Variants in CEP112 observed in about 807,000 individuals in gnomAD.
CEP112 encodes the protein centrosomal protein 112, also known as centrosomal protein of 112 kDa.
Under a neutral mutation model 153.0 loss-of-function variants are expected in CEP112, and 127 were observed. The ratio of observed to expected loss-of-function variants is 0.83; its 90% CI spans 0.72 to 0.96. The LOEUF (loss-of-function observed/expected upper bound fraction) is 0.96, where lower values mean the gene tolerates loss of function less well. Ranked by LOEUF, CEP112 falls within the 40% of genes least tolerant of loss-of-function variation. CEP112 has a pLI of 0.00. For synonymous variants in CEP112, 358 were observed against 374.4 expected, an observed-to-expected ratio of 0.96 and a Z score of 0.51; for missense variants, 1,089 against 1,101.2, an observed-to-expected ratio of 0.99 and a Z score of 0.16.
chr17:65,703,510 C>CA (rs1295077304), intron 23 of CEP112, among the ~76,000 whole-genome samples: 5 of 67,852 alleles, frequency 7.4e-5, no homozygotes, highest in African/African-American at 1.6e-4. Flanking sequence ...GACTCCATCT[C>CA]AAAAAAAAGA....
chr17:66,019,365 T>G (rs371765091), intron 16 of CEP112, among the ~76,000 whole-genome samples: 1 of 152,140 alleles, frequency 6.6e-6, no homozygotes, highest in Non-Finnish European at 1.5e-5. Flanking sequence ...TACAATTACA[T>G]AGTCCAGAGC....
chr17:65,653,833 G>A (rs2045913995), intron 24 of CEP112, among the ~76,000 whole-genome samples: 2 of 152,010 alleles, frequency 1.3e-5, no homozygotes. Context: ...GCCAGAGGCG[G>A]GCAGACCACA....
intron 24 of CEP112, among the ~76,000 whole-genome samples, chr17:65,674,836 GAAGC>G (rs1263886429): frequency 1.3e-5 from 2 of 152,136 alleles, no homozygotes; most frequent in East Asian, 3.8e-4. Context: ...AGACTCACAA[GAAGC>G]AAGACAACAT....
chr17:65,786,021 C>T lies in CEP112; in HGVS notation c.2395-35297G>A, dbSNP rs2054257576. Among the ~76,000 whole-genome samples, 3 of 152,242 alleles carry T rather than the reference C, an allele frequency of 2.0e-5. No individual in the cohort carries two copies. The East Asian group carries it at 5.8e-4, about 29-fold the overall frequency. The stretch of plus-strand genomic sequence containing the variant: ...TGTATATCAATTTGGGTAATACTGG[C>T]ATCTTAACAACGTTAAGTTTTCTGA... On this transcript the variant is annotated intron_variant, in intron 21 of 26. Transcript: ENST00000535342.
At chr17:65,762,669 A>T (rs2052680369) in intron 21 of CEP112, among the ~76,000 whole-genome samples, 1 of 151,912 alleles carries the variant, frequency 6.6e-6, no homozygotes, top group Admixed American at 6.6e-5. Flanking sequence ...AAATAACACT[A>T]TATCATCTCA....
chr17:66,084,850 GA>G, intron 8 of CEP112, among the ~76,000 whole-genome samples: 1 of 152,234 alleles, frequency 6.6e-6, no homozygotes, highest in South Asian at 2.1e-4. Flanking sequence ...AAATGCTTAA[GA>G]TGATGGATAC....
intron 11 of CEP112, among the ~76,000 whole-genome samples, chr17:66,059,794 G>A (rs758323841): frequency 6.6e-6 from 1 of 152,114 alleles, no homozygotes; most frequent in Non-Finnish European, 1.5e-5. Flanking sequence ...TCCCATTACT[G>A]GGTATATACC....
At chr17:65,898,907 G>A (rs910147384) in intron 20 of CEP112, among the ~76,000 whole-genome samples, 7 of 152,004 alleles carry the variant, frequency 4.6e-5, no homozygotes, top group Non-Finnish European at 5.9e-5. Context: ...GGCAACAAAC[G>A]TAAAACATCA....
At chr17:66,129,882 G>A (rs1385366768) in intron 5 of CEP112, 59 bp from the exon 6 acceptor site, 1 of 1,054,526 alleles carries the variant, frequency 9.5e-7, no homozygotes, top group African/African-American at 1.6e-5. Context: ...GAAATAAAAG[G>A]AAAAGATGGA....
chr17:65,835,734 A>C (rs2057282710), intron 21 of CEP112, among the ~76,000 whole-genome samples: 2 of 152,218 alleles, frequency 1.3e-5, no homozygotes, highest in African/African-American at 4.8e-5. Context: ...TTCAATCAGC[A>C]AGAAAGAAAT....
chr17:65,774,285 C>G (rs1324106696), intron 21 of CEP112, among the ~76,000 whole-genome samples: 1 of 151,986 alleles, frequency 6.6e-6, no homozygotes, highest in African/African-American at 2.4e-5. Flanking sequence ...GAGAAAAGAC[C>G]CTATTTCTTA....
At position 65,753,197 on chromosome 17, in the gene CEP112, C is replaced by A. The variant is rs148070682; in HGVS notation, c.2395-2473G>T. Among the ~76,000 whole-genome samples, 334 of 152,250 alleles carry A rather than the reference C, an allele frequency of 2.2e-3. 2 individuals carry two copies. Among genetic ancestry groups the A allele is most frequent in the African/African-American group, 7.8e-3 (325 of 41,540 alleles). On this transcript the variant is annotated intron_variant, in intron 21 of 26. Coordinates refer to ENST00000535342, the MANE Select transcript of CEP112 (RefSeq NM_001199165.4). ...TCCCGTGCTCACAGCCCACTCCAGG[C>A]TCACCTCTATGGTAGTACTAAGGCT...
intron 21 of CEP112, among the ~76,000 whole-genome samples, chr17:65,764,518 T>G (rs2052821086): frequency 6.6e-6 from 1 of 152,256 alleles, no homozygotes; most frequent in African/African-American, 2.4e-5. Flanking sequence ...TTATCATTAG[T>G]GACTTTTTTT....
At chr17:66,072,935 G>A (rs2067356233) in intron 8 of CEP112, among the ~76,000 whole-genome samples, 1 of 152,152 alleles carries the variant, frequency 6.6e-6, no homozygotes, top group African/African-American at 2.4e-5. Flanking sequence ...GTATAAGGAT[G>A]CAGATTTAGA....
At chr17:66,118,355 A>C (rs570785368) in intron 6 of CEP112, among the ~76,000 whole-genome samples, 1 of 152,182 alleles carries the variant, frequency 6.6e-6, no homozygotes, top group Non-Finnish European at 1.5e-5. Context: ...ATATATACAC[A>C]ATTGAATATT....
intron 18 of CEP112, among the ~76,000 whole-genome samples, chr17:65,957,700 T>C (rs534650972): frequency 6.6e-6 from 1 of 152,272 alleles, no homozygotes; most frequent in Non-Finnish European, 1.5e-5. Flanking sequence ...ATACTCTATC[T>C]TATTTTGGAC....
chr17:65,820,712 T>C (rs994548468), intron 21 of CEP112, among the ~76,000 whole-genome samples: 2 of 152,060 alleles, frequency 1.3e-5, no homozygotes, highest in African/African-American at 4.8e-5. Flanking sequence ...CTTCATAAGG[T>C]AGTTGGGGTT....
At position 65,636,049 on chromosome 17, in the gene CEP112, C is replaced by A. The variant is rs538533857; in HGVS notation, c.2865-75G>T. The A allele has an allele frequency of 2.7e-6, 4 of 1,461,426 alleles. No homozygotes were observed. The Admixed American group carries it at 7.7e-5, about 28-fold the overall frequency. 90.5% of individuals were successfully genotyped at this position (1,461,426 alleles called of 1,614,324 possible). On this transcript the variant is annotated intron_variant, in intron 26 of 26. Coordinates refer to ENST00000535342, the MANE Select transcript of CEP112 (RefSeq NM_001199165.4). ...GTCAATCAAAAAATAAGCTTCAATT[C>A]TGGAGAAGTTGATAGGGGTTGAAAA... is the stretch of plus-strand genomic sequence containing the variant.
In CEP112 at chr17:65,932,133, G is replaced by A. The variant is rs113962610; in HGVS notation, c.1873-4444C>T. 6.1e-3 allele frequency among the ~76,000 whole-genome samples: 924 copies of A among 152,298 alleles called. 8 individuals are homozygous for A. The highest frequency in any genetic ancestry group is 0.021 in the African/African-American group (888 of 41,576). On this transcript the variant is annotated intron_variant, in intron 18 of 26. Coordinates refer to ENST00000535342, the MANE Select transcript of CEP112 (RefSeq NM_001199165.4). ...ACTGGACTGTGAAGCACAACCAGGA[G>A]CCACACCTGACTTCATATAACAGGC...
Sources: gnomAD v4.1 joint callset for allele counts (sites outside exome capture counted in the v4.1 genomes callset) on GRCh38, gnomAD v4.1.1 for gene constraint, MANE v1.5 for transcripts, NCBI Gene and HGNC (gene_info 2026-07-23, HGNC 2026-07-21) for gene names.